Variants in NIT2 observed in about 807,000 individuals in gnomAD.
NIT2 encodes the protein nitrilase family member 2, also known as omega-amidase NIT2.
NIT2 carries 46 observed loss-of-function variants against 42.7 expected under a neutral mutation model. The observed-to-expected ratio is 1.08, with a 90% CI of 0.85 to 1.38. The LOEUF is 1.38. Ranked by LOEUF, NIT2 falls within the 40% of genes most tolerant of loss-of-function variation. NIT2 has a pLI of 0.00. For missense variants in NIT2, 309 were observed against 342.5 expected (o/e 0.90, Z 0.77); for synonymous variants, 123 against 121.9 (o/e 1.01, Z -0.06).
At chr3:100,344,152 G>A (rs1706185803) in intron 4 of NIT2, among the ~76,000 whole-genome samples, 1 of 152,136 alleles carries the variant, frequency 6.6e-6, no homozygotes, top group South Asian at 2.1e-4. Flanking sequence ...TTGGTTTCCA[G>A]CTCTGGTTCT....
At position 100,345,676 on chromosome 3, in the gene NIT2, C is replaced by G; in HGVS notation, c.428C>G (p.Thr143Ser). 1 of 1,593,298 alleles carries G rather than the reference C, an allele frequency of 6.3e-7. No homozygotes were observed. Among genetic ancestry groups the G allele is most frequent in the South Asian group, 1.1e-5 (1 of 90,398 alleles). ...SPGDSFSTFD[T>S]PYCRVGLGIC... ...GGTGATAGTTTCTCCACATTTGATA[C>G]TCGTATGTACCAGATAAGTTTGCCT... The change falls in exon 5 of 10, where the codon ACT becomes AGT. Residue 143 changes from threonine (T) to serine (S), a missense_variant and splice_region_variant. Thr to Ser is a moderately conservative substitution (Grantham distance 58). Coordinates refer to ENST00000394140, the MANE Select transcript of NIT2 (RefSeq NM_020202.5).
chr3:100,335,333 T>C (rs529146877), intron 1 of NIT2, among the ~76,000 whole-genome samples: 2 of 152,360 alleles, frequency 1.3e-5, no homozygotes, highest in Admixed American at 1.3e-4. Context: ...TAATGATACC[T>C]CACACAATGA....
intron 8 of NIT2, among the ~76,000 whole-genome samples, chr3:100,354,051 C>T (rs191036161): frequency 5.3e-4 from 81 of 152,332 alleles, no homozygotes; most frequent in African/African-American, 1.9e-3. Flanking sequence ...GCTGGGGTTA[C>T]AGGCGTGAGC....
chr3:100,344,578 A>G (rs1035504737), intron 4 of NIT2, among the ~76,000 whole-genome samples: 6 of 152,142 alleles, frequency 3.9e-5, no homozygotes, highest in African/African-American at 1.2e-4. Flanking sequence ...TTTTTTGGGT[A>G]TAATTTTGTT....
At chr3:100,355,119 C>T (rs1205024043) in intron 9 of NIT2, 58 bp from the exon 10 acceptor site, 2 of 1,273,664 alleles carry the variant, frequency 1.6e-6, no homozygotes, top group Non-Finnish European at 2.3e-6. Context: ...GGGAAGAAAT[C>T]CCCTTGGTTA....
At chr3:100,338,796 A>G (rs779060573) in intron 1 of NIT2, among the ~76,000 whole-genome samples, 5 of 152,078 alleles carry the variant, frequency 3.3e-5, no homozygotes, top group African/African-American at 4.8e-5. Flanking sequence ...TTGCCCATGG[A>G]TATTGCTCTA....
intron 3 of NIT2, among the ~76,000 whole-genome samples, chr3:100,340,633 G>A (rs1051556284): frequency 6.6e-6 from 1 of 152,106 alleles, no homozygotes; most frequent in Admixed American, 6.6e-5. Context: ...CTGACTTTAC[G>A]TTCTCATCTT....
intron 4 of NIT2, among the ~76,000 whole-genome samples, chr3:100,341,986 T>C (rs902198005): frequency 4.6e-5 from 7 of 151,938 alleles, no homozygotes; most frequent in Non-Finnish European, 8.8e-5. Flanking sequence ...GACGCTGCAG[T>C]GAGCCAAGAT....
At chr3:100,344,569 T>G (rs1706191893) in intron 4 of NIT2, among the ~76,000 whole-genome samples, 1 of 152,236 alleles carries the variant, frequency 6.6e-6, no homozygotes, top group African/African-American at 2.4e-5. Flanking sequence ...TTTTTATAGT[T>G]TTTTGGGTAT....
chr3:100,352,482 C>G lies in NIT2; in HGVS notation c.663C>G (p.His221Gln). 6.2e-7 allele frequency: 1 copy of G among 1,613,150 alleles called. No homozygotes were observed. Among genetic ancestry groups the G allele is most frequent in the East Asian group, 2.2e-5 (1 of 44,846 alleles). ...DDKASYVAWG[H>Q]STVVNPWGEV... is the part of the protein sequence containing the mutation. ...AAGCCTCCTATGTTGCCTGGGGACA[C>G]AGCACCGTGGTGAACCCTTGGTGAG... is the stretch of plus-strand genomic sequence containing the variant. Residue 221 changes from histidine (H) to glutamine (Q), a missense_variant, in exon 8 of 10, where the codon CAC (histidine) becomes CAG (glutamine). Physicochemically the swap from His to Gln is conservative, Grantham distance 24 (BLOSUM62 0). Transcript: ENST00000394140.
chr3:100,356,199 T>C lies in NIT2; in HGVS notation c.*931T>C, dbSNP rs1706323833. 2 of 152,214 alleles carry C rather than the reference T, an allele frequency of 1.3e-5. No homozygotes were observed. Among genetic ancestry groups the C allele is most frequent in the Admixed American group, 6.5e-5 (1 of 15,280 alleles). 9.4% of individuals were successfully genotyped at this position (152,214 alleles called of 1,614,324 possible). A position where few individuals can be genotyped will look rare whatever the true frequency, so the allele number is the denominator to read the frequency against. On this transcript the variant is annotated 3_prime_UTR_variant, in exon 10 of 10. Coordinates refer to ENST00000394140, the MANE Select transcript of NIT2 (RefSeq NM_020202.5). ...CAGAGACCCTATCTCACTATATATA[T>C]GTATCTCAAAGACTTCAATGGGTTT...
chr3:100,357,196 T>G lies in NIT2; in HGVS notation c.*1928T>G, dbSNP rs1233372293. 1.3e-5 allele frequency: 2 copies of G among 152,228 alleles called. No homozygotes were observed. The highest frequency in any genetic ancestry group is 2.9e-5 in the Non-Finnish European group (2 of 68,036). The allele number at this position is 152,228 out of a possible 1,614,324, so 9.4% of individuals were successfully genotyped here. A position where few individuals can be genotyped will look rare whatever the true frequency, so the allele number is the denominator to read the frequency against. On this transcript the variant is annotated 3_prime_UTR_variant, in exon 10 of 10. Coordinates refer to ENST00000394140, the MANE Select transcript of NIT2 (RefSeq NM_020202.5). ...CAACCTCACAGATCCTTTTAAAGGATGTCAGGTGCTTTCAGGTAACCCTAG... is the reference window on the plus strand; with the variant it reads ...CAACCTCACAGATCCTTTTAAAGGAGGTCAGGTGCTTTCAGGTAACCCTAG...
intron 4 of NIT2, among the ~76,000 whole-genome samples, chr3:100,345,315 A>G (rs139585591): frequency 3.4e-4 from 52 of 152,292 alleles, no homozygotes; most frequent in African/African-American, 1.3e-3. Context: ...CATATTAGTT[A>G]CCTCCCATGA....
rs1255087933 is a variant in NIT2, at chr3:100,357,332, T to C, written c.*2064T>C. 2 of 152,198 alleles carry C rather than the reference T, an allele frequency of 1.3e-5. No individual in the cohort carries two copies. Among genetic ancestry groups the C allele is most frequent in the African/African-American group, 2.4e-5 (1 of 41,458 alleles). 9.4% of individuals were successfully genotyped at this position (152,198 alleles called of 1,614,324 possible). A position where few individuals can be genotyped will look rare whatever the true frequency, so the allele number is the denominator to read the frequency against. ...TATATTTTCTTACTTTTATATATTT[T>C]ACTCAATCTCATGACAGATTACATT... On this transcript the variant is annotated 3_prime_UTR_variant, in exon 10 of 10. Transcript: ENST00000394140.
intron 6 of NIT2, among the ~76,000 whole-genome samples, chr3:100,348,494 A>G (rs1706239968): frequency 6.6e-6 from 1 of 152,166 alleles, no homozygotes; most frequent in South Asian, 2.1e-4. Context: ...TGCTAGTCAT[A>G]TGAAACTGCT....
chr3:100,351,331 G>A (rs1469823189), intron 7 of NIT2, among the ~76,000 whole-genome samples: 1 of 152,178 alleles, frequency 6.6e-6, no homozygotes. Context: ...AAAGCTGGAG[G>A]CATCACGCTA....
chr3:100,336,415 T>C (rs183954189), intron 1 of NIT2, among the ~76,000 whole-genome samples: 5 of 152,096 alleles, frequency 3.3e-5, no homozygotes, highest in African/African-American at 1.2e-4. Flanking sequence ...AAACAAAGTA[T>C]AGAGAAAGAA....
At position 100,360,866 on chromosome 3, in the gene NIT2, T is replaced by TAA; in HGVS notation, c.*5598_*5599insAA. 1 of 152,338 alleles carries TAA rather than the reference T, an allele frequency of 6.6e-6. No homozygotes were observed. The highest frequency in any genetic ancestry group is 3.4e-3 in the Middle Eastern group (1 of 294). 9.4% of individuals were successfully genotyped at this position (152,338 alleles called of 1,614,324 possible). ...CCTCTGGATCATAGGACAGGTTTGTTTACTATCTGATACAGTCAAAATAGT... is the reference window on the plus strand; with the variant it reads ...CCTCTGGATCATAGGACAGGTTTGTTAATACTATCTGATACAGTCAAAATAGT... On this transcript the variant is annotated 3_prime_UTR_variant, in exon 10 of 10. Coordinates refer to ENST00000394140, the MANE Select transcript of NIT2 (RefSeq NM_020202.5).
chr3:100,337,751 C>T (rs1044831248), intron 1 of NIT2, among the ~76,000 whole-genome samples: 5 of 152,138 alleles, frequency 3.3e-5, no homozygotes, highest in Admixed American at 6.6e-5. Flanking sequence ...TCACACCCGG[C>T]GGAAAATTTT....
Sources: allele counts gnomAD v4.1 joint callset (sites outside exome capture counted in the v4.1 genomes callset), GRCh38; gene constraint gnomAD v4.1.1; transcripts MANE v1.5; gene names NCBI Gene and HGNC (gene_info 2026-07-23, HGNC 2026-07-21).